CSMD1: variants seen among roughly 807,000 people sequenced by gnomAD.
The protein encoded by CSMD1 is CUB and sushi domain-containing protein 1.
A neutral mutation model predicts 417.5 loss-of-function variants in CSMD1; 213 were observed. That is an observed-to-expected ratio of 0.51 (90% CI 0.46 to 0.57). CSMD1 has a LOEUF of 0.57. Among genes scored for constraint, CSMD1 ranks in the 20% least tolerant of loss-of-function variants. CSMD1 has a pLI of 0.00. For missense variants in CSMD1, 6,923 were observed against 4,529.7 expected (o/e 1.53, Z -15.17); for synonymous variants, 2,862 against 1,736.8 (o/e 1.65, Z -16.11).
Position 4,346,826 on chromosome 8 carries a change from G to T in CSMD1, c.415+73127C>A, listed in dbSNP as rs1421609322. On this transcript the variant is annotated intron_variant, in intron 3 of 69. Coordinates refer to ENST00000635120, the MANE Select transcript of CSMD1 (RefSeq NM_033225.6). ...CAATGTCCCGCTGTAGAAATCCAAG[G>T]GGATTGAGACTGAGGGCCTGAGGCC... 2.0e-5 allele frequency among the ~76,000 whole-genome samples: 3 copies of T among 152,272 alleles called. No homozygotes were observed. In the South Asian group the frequency reaches 6.2e-4, roughly 32 times the overall value.
At chr8:4,774,291 C>A (rs1796737847) in intron 1 of CSMD1, among the ~76,000 whole-genome samples, 1 of 152,168 alleles carries the variant, frequency 6.6e-6, no homozygotes, top group Non-Finnish European at 1.5e-5. Context: ...CAGTTTGAAT[C>A]TTACTTTCCT....
intron 1 of CSMD1, among the ~76,000 whole-genome samples, chr8:4,893,017 A>G (rs906826777): frequency 6.6e-6 from 1 of 152,104 alleles, no homozygotes; most frequent in African/African-American, 2.4e-5. Context: ...CTGTGTTTGT[A>G]ATTTGCATGG....
At chr8:4,521,355 T>A (rs975090587) in intron 2 of CSMD1, among the ~76,000 whole-genome samples, 1 of 152,052 alleles carries the variant, frequency 6.6e-6, no homozygotes, top group African/African-American at 2.4e-5. Flanking sequence ...TTAAGAACCT[T>A]TAAGCAGGGC....
chr8:4,470,982 A>G (rs1232569927), intron 2 of CSMD1, among the ~76,000 whole-genome samples: 1 of 152,192 alleles, frequency 6.6e-6, no homozygotes, highest in Non-Finnish European at 1.5e-5. Context: ...TTTTAAATAT[A>G]TTTGAGCATT....
At chr8:3,055,807 C>T (rs917744821) in intron 49 of CSMD1, among the ~76,000 whole-genome samples, 1 of 152,210 alleles carries the variant, frequency 6.6e-6, no homozygotes, top group African/African-American at 2.4e-5. Context: ...AGGCCTCAAA[C>T]TCAGACTTCT....
intron 26 of CSMD1, among the ~76,000 whole-genome samples, chr8:3,279,399 A>C (rs1440992516): frequency 2.0e-5 from 3 of 152,184 alleles, no homozygotes; most frequent in Admixed American, 2.0e-4. Flanking sequence ...AACTGGATAT[A>C]ATTTGTCTTA....
At chr8:4,407,176 G>C (rs1035224031) in intron 3 of CSMD1, among the ~76,000 whole-genome samples, 1 of 152,166 alleles carries the variant, frequency 6.6e-6, no homozygotes, top group Admixed American at 6.5e-5. Context: ...CTTTACCAAA[G>C]AAGTTTGCCA....
intron 58 of CSMD1, 35 bp downstream of exon 58, chr8:2,966,535 A>C (rs752626873): frequency 6.3e-7 from 1 of 1,578,754 alleles, no homozygotes; most frequent in East Asian, 2.3e-5. Context: ...ATTTCATAGT[A>C]ACGTCTGAGT....
intron 26 of CSMD1, among the ~76,000 whole-genome samples, chr8:3,241,782 A>G (rs1351941157): frequency 6.6e-6 from 1 of 152,124 alleles, no homozygotes; most frequent in African/African-American, 2.4e-5. Flanking sequence ...TTTGTCTCAC[A>G]GTGGAGGCAA....
At chr8:4,971,828 T>C (rs1175625991) in intron 1 of CSMD1, among the ~76,000 whole-genome samples, 1 of 152,068 alleles carries the variant, frequency 6.6e-6, no homozygotes, top group Non-Finnish European at 1.5e-5. Flanking sequence ...GATAAGTTGA[T>C]TTGTCTCATT....
intron 3 of CSMD1, among the ~76,000 whole-genome samples, chr8:4,314,514 T>C (rs773676672): frequency 5.9e-5 from 9 of 152,158 alleles, no homozygotes; most frequent in Non-Finnish European, 1.0e-4. Flanking sequence ...ACTTTGCTAA[T>C]GCCTTGGGAT....
intron 18 of CSMD1, among the ~76,000 whole-genome samples, chr8:3,369,774 G>A (rs270095): frequency 2.6e-5 from 4 of 152,114 alleles, no homozygotes; most frequent in Non-Finnish European, 5.9e-5. Flanking sequence ...TGGAAAAAAA[G>A]AAGAGAAAGT....
At chr8:4,646,910 C>T (rs1287241574) in intron 1 of CSMD1, among the ~76,000 whole-genome samples, 1 of 151,978 alleles carries the variant, frequency 6.6e-6, no homozygotes, top group African/African-American at 2.4e-5. Context: ...TTTTTTTAAC[C>T]TCATCAAAAT....
intron 5 of CSMD1, among the ~76,000 whole-genome samples, chr8:3,967,587 G>T (rs186840625): frequency 6.6e-6 from 1 of 152,244 alleles, no homozygotes; most frequent in East Asian, 1.9e-4. Context: ...CCTCTGTGTA[G>T]AGTCAGACGG....
chr8:3,502,154 G>A (rs145380050), intron 10 of CSMD1, among the ~76,000 whole-genome samples: 3,118 of 152,008 alleles, frequency 0.021, 101 homozygotes, highest in African/African-American at 0.072. Context: ...CACGAGGTCA[G>A]GAGATCGAGA....
chr8:4,034,567 C>A (rs928009939), intron 3 of CSMD1, among the ~76,000 whole-genome samples: 4 of 152,116 alleles, frequency 2.6e-5, no homozygotes, highest in African/African-American at 9.7e-5. Flanking sequence ...ATCAGGGCAG[C>A]CCTTCAACTT....
At chr8:3,603,380 C>T (rs894296066) in intron 8 of CSMD1, among the ~76,000 whole-genome samples, 1 of 152,104 alleles carries the variant, frequency 6.6e-6, no homozygotes, top group Non-Finnish European at 1.5e-5. Context: ...TTAGGCGCGG[C>T]AGGCTCAAAT....
At chr8:4,325,795 T>C (rs1799525041) in intron 3 of CSMD1, among the ~76,000 whole-genome samples, 1 of 152,148 alleles carries the variant, frequency 6.6e-6, no homozygotes, top group Non-Finnish European at 1.5e-5. Context: ...TGCTGGCCCA[T>C]TTAAAATGCT....
intron 5 of CSMD1, among the ~76,000 whole-genome samples, chr8:3,762,322 C>G (rs1211643398): frequency 1.3e-5 from 2 of 152,168 alleles, no homozygotes; most frequent in South Asian, 2.1e-4. Flanking sequence ...GTTTCTGGCT[C>G]TCCTTTAAAT....
Sources: gnomAD v4.1 joint callset for allele counts (sites outside exome capture counted in the v4.1 genomes callset) on GRCh38, gnomAD v4.1.1 for gene constraint, MANE v1.5 for transcripts, NCBI Gene and HGNC (gene_info 2026-07-23, HGNC 2026-07-21) for gene names.